NUP98: variants seen among roughly 807,000 people sequenced by gnomAD.
The protein encoded by NUP98 is nucleoporin 98 and 96 precursor.
A neutral mutation model predicts 191.9 loss-of-function variants in NUP98; 26 were observed. That is an observed-to-expected ratio of 0.14 (90% CI 0.10 to 0.19). NUP98 has a LOEUF of 0.19. Ranked by LOEUF, NUP98 falls within the 10% of genes least tolerant of loss-of-function variation. The probability of loss-of-function intolerance (pLI) is 1.00; values close to 1 mark genes in which losing one functional copy is unlikely to be tolerated. For missense variants in NUP98, 1,941 were observed against 2,178.8 expected, an observed-to-expected ratio of 0.89 and a Z score of 2.17; for synonymous variants, 808 against 778.4, an observed-to-expected ratio of 1.04 and a Z score of -0.63.
At chr11:3,747,201 T>TG (rs2080539107) in intron 11 of NUP98, among the ~76,000 whole-genome samples, 1 of 152,108 alleles carries the variant, frequency 6.6e-6, no homozygotes, top group African/African-American at 2.4e-5. Context: ...AGAAGCTATA[T>TG]GGGGGGCAAA....
chr11:3,679,839 A>G lies in NUP98; in HGVS notation c.4919-131T>C, dbSNP rs2077933649. 2.2e-5 allele frequency: 17 copies of G among 770,436 alleles called. No homozygotes were observed. The South Asian group carries it at 3.2e-4, about 14-fold the overall frequency. 47.7% of individuals were successfully genotyped at this position (770,436 alleles called of 1,614,324 possible). Reference sequence around the variant, plus strand: ...GGACTTCAGAAGTAAAAGCACATACAGGCATACCTCAAAGATACTGTGGGT... The same window carrying G: ...GGACTTCAGAAGTAAAAGCACATACGGGCATACCTCAAAGATACTGTGGGT... On this transcript the variant is annotated intron_variant, in intron 30 of 32. Transcript: ENST00000324932.
At chr11:3,765,839 T>C (rs2081320797) in intron 8 of NUP98, among the ~76,000 whole-genome samples, 1 of 152,068 alleles carries the variant, frequency 6.6e-6, no homozygotes, top group African/African-American at 2.4e-5. Flanking sequence ...TTTTAACTTT[T>C]GCAGTTAAAA....
chr11:3,729,907 G>A (rs1207045738), intron 14 of NUP98, among the ~76,000 whole-genome samples: 1 of 151,864 alleles, frequency 6.6e-6, no homozygotes, highest in Non-Finnish European at 1.5e-5. Flanking sequence ...CTGGACTACT[G>A]TAAACCTTTT....
chr11:3,785,933 T>C (rs976069933), intron 1 of NUP98, among the ~76,000 whole-genome samples: 3 of 152,040 alleles, frequency 2.0e-5, no homozygotes, highest in Non-Finnish European at 2.9e-5. Flanking sequence ...GCCTTTATCC[T>C]TTCAAATATG....
intron 11 of NUP98, among the ~76,000 whole-genome samples, chr11:3,750,632 TTG>T (rs1452744624): frequency 2.0e-5 from 3 of 150,702 alleles, no homozygotes; most frequent in Admixed American, 6.7e-5. Context: ...TGTTTTTTTT[TTG>T]TTTTTTGTTT....
At chr11:3,724,121 T>C (rs2079518266) in intron 15 of NUP98, among the ~76,000 whole-genome samples, 2 of 151,994 alleles carry the variant, frequency 1.3e-5, no homozygotes, top group Admixed American at 1.3e-4. Context: ...CTTTATATAA[T>C]AAAATATATT....
At chr11:3,789,027 A>T (rs1273495152) in intron 1 of NUP98, among the ~76,000 whole-genome samples, 1 of 152,162 alleles carries the variant, frequency 6.6e-6, no homozygotes, top group Admixed American at 6.6e-5. Flanking sequence ...TAAAAAGTTA[A>T]AAAAATAAAA....
intron 8 of NUP98, among the ~76,000 whole-genome samples, chr11:3,765,162 T>C (rs189416951): frequency 1.9e-4 from 29 of 152,348 alleles, no homozygotes; most frequent in African/African-American, 6.7e-4. Context: ...ACTTTGATGA[T>C]ATCCCTTTGA....
rs544135001 is a variant in NUP98, at chr11:3,684,139, G to A, written c.4677-698C>T. ...AGGCAGGAGAATTGCTTGAACCCGG[G>A]AGGCAGAAATTGCAGTGAGCCGAGA... On this transcript the variant is annotated intron_variant, in intron 29 of 32. Transcript: ENST00000324932. 2.6e-5 allele frequency among the ~76,000 whole-genome samples: 4 copies of A among 152,220 alleles called. No homozygotes were observed. The East Asian group carries it at 7.7e-4, about 29-fold the overall frequency.
intron 15 of NUP98, 77 bp downstream of exon 15, chr11:3,725,026 C>T (rs2079561884): frequency 1.5e-6 from 1 of 669,314 alleles, no homozygotes; most frequent in Non-Finnish European, 2.6e-6. Context: ...CATAAATTTT[C>T]ATAAATTCCT....
At chr11:3,764,605 G>A (rs1243585472) in intron 8 of NUP98, among the ~76,000 whole-genome samples, 1 of 152,136 alleles carries the variant, frequency 6.6e-6, no homozygotes, top group African/African-American at 2.4e-5. Context: ...TTTTTGTTGA[G>A]TCTCACACTG....
intron 26 of NUP98, among the ~76,000 whole-genome samples, chr11:3,694,767 G>A (rs1283478075): frequency 6.6e-6 from 1 of 151,784 alleles, no homozygotes; most frequent in African/African-American, 2.4e-5. Flanking sequence ...AAATGCTGCA[G>A]GGCTGATGCA....
intron 21 of NUP98, among the ~76,000 whole-genome samples, chr11:3,705,872 G>T (rs1040795156): frequency 2.0e-5 from 3 of 151,580 alleles, no homozygotes; most frequent in Non-Finnish European, 4.4e-5. Flanking sequence ...GATTGGGGCC[G>T]GGCTCAGTGG....
At chr11:3,682,394 G>C (rs538403966) in intron 30 of NUP98, among the ~76,000 whole-genome samples, 2 of 152,214 alleles carry the variant, frequency 1.3e-5, no homozygotes, top group South Asian at 4.2e-4. Flanking sequence ...ATCACTTCAA[G>C]CTTTTGTTTA....
chr11:3,746,498 A>G (rs1032566832), intron 11 of NUP98, among the ~76,000 whole-genome samples: 6 of 151,816 alleles, frequency 4.0e-5, no homozygotes, highest in African/African-American at 1.5e-4. Context: ...TATATAAAAT[A>G]GATGAAAAAT....
Position 3,702,756 on chromosome 11 carries a change from G to C in NUP98, c.3219C>G (p.Pro1073=), listed in dbSNP as rs141153135. The C allele has an allele frequency of 1.2e-6, 2 of 1,614,034 alleles. No homozygotes were observed. Among genetic ancestry groups the C allele is most frequent in the Non-Finnish European group, 1.7e-6 (2 of 1,180,044 alleles). The change falls in exon 23 of 33, where the codon CCC becomes CCG. Residue 1073 remains proline, a synonymous_variant. Transcript: ENST00000324932. Reference sequence around the variant, plus strand: ...TGGGCATTGTGAACACAGAAGTCAGGGGTGGAGGGACAGACCAAGAGGATG... The same window carrying C: ...TGGGCATTGTGAACACAGAAGTCAGCGGTGGAGGGACAGACCAAGAGGATG... ...PSTSSWSVPP[P]LTSVFTMPSP... is the part of the protein sequence containing the mutation.
At chr11:3,706,420 C>CA (rs772463376) in intron 21 of NUP98, 25 bp downstream of exon 21, 3 of 1,610,692 alleles carry the variant, frequency 1.9e-6, no homozygotes, top group African/African-American at 1.3e-5. Flanking sequence ...CTTTCTGTTA[C>CA]AAAAAAGGTG....
chr11:3,722,732 G>C (rs941839892), intron 16 of NUP98, among the ~76,000 whole-genome samples: 3 of 152,068 alleles, frequency 2.0e-5, no homozygotes, highest in African/African-American at 7.2e-5. Flanking sequence ...GAGAGGTCCT[G>C]ATCCCTGGAG....
intron 20 of NUP98, chr11:3,712,004 G>C (rs1018129772): frequency 8.6e-6 from 9 of 1,048,640 alleles, no homozygotes; most frequent in Middle Eastern, 4.3e-4. Context: ...AAACAATGTA[G>C]GCCCTAATCT....
Sources: gnomAD v4.1 joint callset for allele counts (sites outside exome capture counted in the v4.1 genomes callset) on GRCh38, gnomAD v4.1.1 for gene constraint, MANE v1.5 for transcripts, NCBI Gene and HGNC (gene_info 2026-07-23, HGNC 2026-07-21) for gene names.